The following GLRA1 variants were observed in gnomAD, a reference collection of about 807,000 sequenced individuals.
GLRA1 encodes the protein glycine receptor alpha 1.
A neutral mutation model predicts 48.3 loss-of-function variants in GLRA1; 37 were observed. The ratio of observed to expected loss-of-function variants is 0.77; its 90% CI spans 0.59 to 1.01. The LOEUF (loss-of-function observed/expected upper bound fraction) is 1.01, where lower values mean the gene tolerates loss of function less well. Among genes scored for constraint, GLRA1 ranks in the 50% least tolerant of loss-of-function variants. The pLI is 0.00. For synonymous variants in GLRA1, 196 were observed against 210.7 expected (o/e 0.93, Z 0.60); for missense variants, 427 against 571.0 (o/e 0.75, Z 2.57).
chr5:151,886,518 T>A (rs940251694), intron 3 of GLRA1, among the ~76,000 whole-genome samples: 4 of 152,312 alleles, frequency 2.6e-5, no homozygotes, highest in Admixed American at 2.6e-4. Flanking sequence ...TGCTAGGTCT[T>A]TGGCTATTTT....
chr5:151,902,083 C>T (rs538561132), intron 1 of GLRA1, among the ~76,000 whole-genome samples: 12 of 152,192 alleles, frequency 7.9e-5, no homozygotes, highest in African/African-American at 2.2e-4. Flanking sequence ...TTTGGAGCTC[C>T]GGGAATTGGA....
At chr5:151,867,507 G>A (rs770396143) in intron 3 of GLRA1, among the ~76,000 whole-genome samples, 4 of 152,174 alleles carry the variant, frequency 2.6e-5, no homozygotes, top group Non-Finnish European at 5.9e-5. Context: ...CATTCAAACA[G>A]TTCAGTTTAG....
At chr5:151,861,936 T>A (rs958612123) in intron 3 of GLRA1, among the ~76,000 whole-genome samples, 17 of 152,274 alleles carry the variant, frequency 1.1e-4, no homozygotes, top group Admixed American at 2.0e-4. Context: ...ACTACTTTAA[T>A]GTTCATATGG....
intron 7 of GLRA1, chr5:151,849,088 C>T (rs13176377): frequency 9.5e-6 from 3 of 314,160 alleles, no homozygotes; most frequent in Non-Finnish European, 1.7e-5. Context: ...CTTTTCTTTC[C>T]TTTTTATTTC....
intron 3 of GLRA1, among the ~76,000 whole-genome samples, chr5:151,869,652 T>G (rs967172107): frequency 2.7e-5 from 4 of 149,604 alleles, no homozygotes; most frequent in African/African-American, 1.0e-4. Flanking sequence ...AAGGTGGTGG[T>G]TGCAGTGAGC....
At chr5:151,881,983 T>C (rs1753775372) in intron 3 of GLRA1, among the ~76,000 whole-genome samples, 1 of 152,134 alleles carries the variant, frequency 6.6e-6, no homozygotes, top group African/African-American at 2.4e-5. Flanking sequence ...TAGCTGTTTG[T>C]GTGGTTGGAG....
At chr5:151,850,222 G>C in intron 7 of GLRA1, 5 of 1,604,116 alleles carry the variant, frequency 3.1e-6, no homozygotes, top group Non-Finnish European at 4.3e-6. Flanking sequence ...TACCAGGCCT[G>C]CTTGTATGCT....
At chr5:151,889,427 A>G (rs1754000295) in intron 2 of GLRA1, among the ~76,000 whole-genome samples, 1 of 152,238 alleles carries the variant, frequency 6.6e-6, no homozygotes, top group African/African-American at 2.4e-5. Flanking sequence ...ACAGAGGCTG[A>G]GATACAGTAA....
intron 7 of GLRA1, among the ~76,000 whole-genome samples, chr5:151,829,648 G>A (rs1299219040): frequency 1.3e-5 from 2 of 152,192 alleles, no homozygotes; most frequent in Non-Finnish European, 2.9e-5. Context: ...CACATTTAAA[G>A]TGTATAGTTT....
intron 7 of GLRA1, among the ~76,000 whole-genome samples, chr5:151,848,156 G>C (rs939659898): frequency 3.3e-5 from 5 of 152,186 alleles, no homozygotes; most frequent in African/African-American, 9.7e-5. Flanking sequence ...CTGGGAACTT[G>C]GATTTTGGGA....
rs1357968075 is a variant in GLRA1, at chr5:151,901,814, T to G, written c.57-9376A>C. Among the ~76,000 whole-genome samples the G allele has an allele frequency of 2.6e-5, 4 of 152,236 alleles. No individual in the cohort carries two copies. In the East Asian group the frequency reaches 7.7e-4, roughly 29 times the overall value. ...ACATATTTCACTGGATTTAATCTTC[T>G]CAATACCATGAAGATGACATCATTA... On this transcript the variant is annotated intron_variant, in intron 1 of 8. Transcript: ENST00000274576.
At chr5:151,882,902 G>A (rs977349267) in intron 3 of GLRA1, among the ~76,000 whole-genome samples, 2 of 152,066 alleles carry the variant, frequency 1.3e-5, no homozygotes, top group Non-Finnish European at 2.9e-5. Flanking sequence ...ATGACATATA[G>A]CAGTTTATCA....
chr5:151,854,855 T>C (rs1018633695), intron 6 of GLRA1, among the ~76,000 whole-genome samples, 185 bp downstream of exon 6: 1 of 152,222 alleles, frequency 6.6e-6, no homozygotes, highest in Non-Finnish European at 1.5e-5. Context: ...TGGCCCAAGC[T>C]TAAGTTACTC....
In GLRA1 at chr5:151,879,329, C is replaced by CT. The variant is rs35141091; in HGVS notation, c.252+7391dup. Among the ~76,000 whole-genome samples, 39 of 148,170 alleles carry CT rather than the reference C, an allele frequency of 2.6e-4. 1 individual carries two copies. The highest frequency in any genetic ancestry group is 9.2e-4 in the African/African-American group (37 of 40,240). On this transcript the variant is annotated intron_variant, in intron 3 of 8. Coordinates refer to ENST00000274576, the MANE Select transcript of GLRA1 (RefSeq NM_000171.4). The stretch of plus-strand genomic sequence containing the variant: ...TTGTATCTAGGAAGTAACTAACTTC[C>CT]TTTTTTTTTTCAGATTTTATTTTAT...
intron 7 of GLRA1, among the ~76,000 whole-genome samples, chr5:151,841,984 G>C (rs1356150652): frequency 6.6e-6 from 1 of 151,434 alleles, no homozygotes; most frequent in Non-Finnish European, 1.5e-5. Flanking sequence ...TTGAACCCAG[G>C]AGTTGGAGGT....
At chr5:151,842,346 A>C (rs1763732678) in intron 7 of GLRA1, among the ~76,000 whole-genome samples, 1 of 149,976 alleles carries the variant, frequency 6.7e-6, no homozygotes, top group Non-Finnish European at 1.5e-5. Context: ...AATACAGACA[A>C]AAAAAAAAAA....
intron 7 of GLRA1, chr5:151,850,727 C>A: frequency 3.7e-6 from 4 of 1,075,432 alleles, no homozygotes; most frequent in Non-Finnish European, 5.8e-6. Flanking sequence ...TTTTCGGTGA[C>A]AGAAGCCCTC....
intron 7 of GLRA1, chr5:151,850,850 C>T (rs1752886383): frequency 1.5e-6 from 1 of 684,440 alleles, no homozygotes; most frequent in Admixed American, 2.1e-5. Flanking sequence ...CACTCCAACT[C>T]TTCCCCCTCT....
chr5:151,843,256 A>ATTTTT (rs34491994), intron 7 of GLRA1, among the ~76,000 whole-genome samples: 7 of 120,774 alleles, frequency 5.8e-5, no homozygotes, highest in Admixed American at 3.6e-4. Context: ...CTGCTTCTAA[A>ATTTTT]TTTTTTTTTT....
Sources: allele counts gnomAD v4.1 joint callset (sites outside exome capture counted in the v4.1 genomes callset), GRCh38; gene constraint gnomAD v4.1.1; transcripts MANE v1.5; gene names NCBI Gene and HGNC (gene_info 2026-07-23, HGNC 2026-07-21).